TEX29: variants seen among roughly 807,000 people sequenced by gnomAD.
The protein encoded by TEX29 is testis expressed 29.
TEX29 carries 26 observed loss-of-function variants against 18.2 expected under a neutral mutation model. The ratio of observed to expected loss-of-function variants is 1.43; its 90% CI spans 1.04 to 1.98. The LOEUF is 1.98. Among genes scored for constraint, TEX29 ranks in the 30% most tolerant of loss-of-function variants. The pLI is 0.00. For missense variants in TEX29, 177 were observed against 194.2 expected (o/e 0.91, Z 0.53); for synonymous variants, 83 against 78.5 (o/e 1.06, Z -0.31).
intron 3 of TEX29, 91 bp from the exon 4 acceptor site, chr13:111,339,772 G>A (rs529156875): frequency 1.0e-5 from 14 of 1,354,062 alleles, no homozygotes; most frequent in Middle Eastern, 1.8e-4. Context: ...GGGAGGGCCC[G>A]CACCCGACTC....
chr13:111,335,216 C>T (rs1056249845), intron 3 of TEX29, among the ~76,000 whole-genome samples: 73 of 152,270 alleles, frequency 4.8e-4, no homozygotes, highest in African/African-American at 1.5e-3. Flanking sequence ...AGCCCTAGTC[C>T]GGTTGTACAT....
intron 3 of TEX29, among the ~76,000 whole-genome samples, chr13:111,330,940 C>G (rs1221614184): frequency 6.6e-6 from 1 of 152,162 alleles, no homozygotes; most frequent in Non-Finnish European, 1.5e-5. Context: ...TTTTGTTGAC[C>G]CATCTATCGG....
intron 2 of TEX29, 37 bp downstream of exon 2, chr13:111,320,985 G>T: frequency 1.7e-6 from 1 of 585,126 alleles, no homozygotes; most frequent in East Asian, 4.3e-5. Context: ...GGGTGGGGTG[G>T]GGGAGCAGTT....
upstream of TEX29, among the ~76,000 whole-genome samples, chr13:111,318,377 A>T (rs1238728824): frequency 6.6e-6 from 1 of 152,120 alleles, no homozygotes; most frequent in Non-Finnish European, 1.5e-5. Context: ...CAGTGTAGTC[A>T]CTGGTTATCA....
chr13:111,328,294 G>A lies in TEX29; in HGVS notation c.169+1G>A. The A allele has an allele frequency of 1.9e-6, 3 of 1,610,978 alleles. No homozygotes were observed. Among genetic ancestry groups the A allele is most frequent in the Non-Finnish European group, 2.5e-6 (3 of 1,178,038 alleles). On this transcript the variant is annotated splice_donor_variant, in intron 3 of 5. Transcript: ENST00000283547. LOFTEE classifies it high-confidence loss of function. ...GTCTGCTACAAGAAAGCGGTTCCCA[G>A]TGAGTAGACGCCCCGGCCACCCCGT...
chr13:111,324,525 G>C (rs1214326029), intron 2 of TEX29, among the ~76,000 whole-genome samples: 1 of 152,216 alleles, frequency 6.6e-6, no homozygotes, highest in East Asian at 1.9e-4. Context: ...GACTTGGATG[G>C]GGAGTCACAC....
At chr13:111,339,357 G>A (rs553955366) in intron 3 of TEX29, 1 of 455,156 alleles carries the variant, frequency 2.2e-6, no homozygotes, top group Non-Finnish European at 4.4e-6. Flanking sequence ...AGCACAGCAG[G>A]AACAGAGGGG....
chr13:111,324,945 G>GATGAGC (rs932458241), intron 2 of TEX29, among the ~76,000 whole-genome samples: 2 of 152,198 alleles, frequency 1.3e-5, no homozygotes, highest in African/African-American at 4.8e-5. Flanking sequence ...CGGGAAGTGG[G>GATGAGC]ATGAGCGAGG....
At chr13:111,334,314 G>T (rs2093686666) in intron 3 of TEX29, among the ~76,000 whole-genome samples, 1 of 152,202 alleles carries the variant, frequency 6.6e-6, no homozygotes, top group Admixed American at 6.5e-5. Context: ...TCTTTGTGGT[G>T]TGTGACCACT....
chr13:111,330,102 G>A (rs992267135), intron 3 of TEX29, among the ~76,000 whole-genome samples: 4 of 152,096 alleles, frequency 2.6e-5, no homozygotes, highest in Admixed American at 1.3e-4. Flanking sequence ...TTTCTGCATC[G>A]TGAGACTAGG....
At chr13:111,321,220 A>T (rs911248823) in intron 2 of TEX29, among the ~76,000 whole-genome samples, 4 of 152,262 alleles carry the variant, frequency 2.6e-5, no homozygotes, top group Non-Finnish European at 5.9e-5. Context: ...TTAACAGGTC[A>T]AAGGCATTTT....
At chr13:111,332,029 T>C (rs1023527817) in intron 3 of TEX29, among the ~76,000 whole-genome samples, 2 of 152,180 alleles carry the variant, frequency 1.3e-5, no homozygotes, top group African/African-American at 4.8e-5. Context: ...TTTTGGCTGT[T>C]ATGGGTCCCT....
chr13:111,325,201 C>T (rs1289588480), intron 2 of TEX29, among the ~76,000 whole-genome samples: 1 of 152,198 alleles, frequency 6.6e-6, no homozygotes, highest in Non-Finnish European at 1.5e-5. Context: ...GCCCCGCCAT[C>T]CTGAGGCAGC....
chr13:111,336,308 C>T (rs1466239545), intron 3 of TEX29, among the ~76,000 whole-genome samples: 1 of 152,186 alleles, frequency 6.6e-6, no homozygotes, highest in Non-Finnish European at 1.5e-5. Flanking sequence ...CTTTTCATTT[C>T]TTTGACATCT....
At chr13:111,329,767 G>A (rs1480658902) in intron 3 of TEX29, among the ~76,000 whole-genome samples, 1 of 152,148 alleles carries the variant, frequency 6.6e-6, no homozygotes, top group Non-Finnish European at 1.5e-5. Context: ...GCTTCTACAA[G>A]GTCTGAGGGT....
In TEX29 at chr13:111,343,335, G is replaced by A. The variant is rs77963799; in HGVS notation, c.415+404G>A. On this transcript the variant is annotated intron_variant, in intron 5 of 5. Transcript: ENST00000283547. Reference sequence around the variant, plus strand: ...GTACTCTCTGTGGCACCCTGGCCACGTGGTGGTCTTGGTTGTGCAGGGAGG... The same window carrying A: ...GTACTCTCTGTGGCACCCTGGCCACATGGTGGTCTTGGTTGTGCAGGGAGG... Among the ~76,000 whole-genome samples, 973 of 142,024 alleles carry A rather than the reference G, an allele frequency of 6.9e-3. 9 individuals are homozygous for A. Among genetic ancestry groups the A allele is most frequent in the African/African-American group, 0.022 (911 of 40,768 alleles). 93.2% of individuals were successfully genotyped at this position (142,024 alleles called of 152,430 possible). A position where few individuals can be genotyped will look rare whatever the true frequency, so the allele number is the denominator to read the frequency against.
chr13:111,340,020 G>A (rs944032284), intron 4 of TEX29, 88 bp downstream of exon 4: 27 of 1,309,154 alleles, frequency 2.1e-5, no homozygotes, highest in South Asian at 8.2e-5. Context: ...GGGCTCCTTC[G>A]GGCTTGGTGC....
At chr13:111,338,502 G>A (rs754970712) in intron 3 of TEX29, among the ~76,000 whole-genome samples, 7 of 152,148 alleles carry the variant, frequency 4.6e-5, no homozygotes, top group Non-Finnish European at 8.8e-5. Flanking sequence ...GCCCCCCAGT[G>A]CATGGTACTT....
chr13:111,326,560 G>A (rs960283451), intron 2 of TEX29, among the ~76,000 whole-genome samples: 1 of 144,020 alleles, frequency 6.9e-6, no homozygotes, highest in African/African-American at 2.5e-5. Context: ...GGCAACGCGA[G>A]CCTGGTGCTG....
Sources: allele counts gnomAD v4.1 joint callset (sites outside exome capture counted in the v4.1 genomes callset), GRCh38; gene constraint gnomAD v4.1.1; transcripts MANE v1.5; gene names NCBI Gene and HGNC (gene_info 2026-07-23, HGNC 2026-07-21).